Variants in CDYL observed in about 807,000 individuals in gnomAD.
The protein encoded by CDYL is chromodomain Y like.
A neutral mutation model predicts 47.3 loss-of-function variants in CDYL; 8 were observed. The observed-to-expected ratio is 0.17, with a 90% confidence interval of 0.10 to 0.31. CDYL has a LOEUF of 0.31. Ranked by LOEUF, CDYL falls within the 10% of genes least tolerant of loss-of-function variation. The pLI is 1.00. For missense variants in CDYL, 471 were observed against 701.4 expected (o/e 0.67, Z 3.71); for synonymous variants, 266 against 265.0 (o/e 1.00, Z -0.04).
rs114757816 is a variant in CDYL at position 4,907,614 on chromosome 6, A to G, written c.691+15235A>G. Among the ~76,000 whole-genome samples the G allele has an allele frequency of 3.6e-3, 543 of 152,274 alleles. 2 individuals are homozygous for G. Among genetic ancestry groups the G allele is most frequent in the African/African-American group, 0.013 (526 of 41,560 alleles). ...AGTCTTGAACTCCTGAGCTCAAGCA[A>G]TCTTCCAGCATCAGCCTCCCAAAGT... On this transcript the variant is annotated intron_variant, in intron 2 of 6. Transcript: ENST00000397588.
chr6:4,751,091 G>A (rs530999203), intron 3 of CDYL, among the ~76,000 whole-genome samples: 19 of 151,956 alleles, frequency 1.3e-4, no homozygotes, highest in Admixed American at 8.5e-4. Flanking sequence ...TCCTGACCTC[G>A]TGATCCGCCC....
chr6:4,861,218 C>T (rs900918823), intron 1 of CDYL, among the ~76,000 whole-genome samples: 9 of 152,320 alleles, frequency 5.9e-5, no homozygotes, highest in Middle Eastern at 3.4e-3. Flanking sequence ...ATGGCGTATA[C>T]GGTGATGCCT....
At chr6:4,833,062 CT>C (rs1760194489) in intron 1 of CDYL, among the ~76,000 whole-genome samples, 2 of 147,194 alleles carry the variant, frequency 1.4e-5, no homozygotes, top group African/African-American at 5.0e-5. Flanking sequence ...TTTTTTGTGT[CT>C]CTATTTCCTT....
At chr6:4,897,628 G>A (rs944616630) in intron 2 of CDYL, among the ~76,000 whole-genome samples, 2 of 152,084 alleles carry the variant, frequency 1.3e-5, no homozygotes, top group Admixed American at 6.6e-5. Flanking sequence ...AACAAATCAG[G>A]AGACCAGGCC....
intron 2 of CDYL, among the ~76,000 whole-genome samples, chr6:4,934,095 G>A (rs1312495022): frequency 2.0e-5 from 3 of 152,142 alleles, no homozygotes; most frequent in Non-Finnish European, 4.4e-5. Context: ...TACATCTAGT[G>A]TACTGCCATC....
intron 1 of CDYL, among the ~76,000 whole-genome samples, chr6:4,861,483 C>T (rs1761168072): frequency 2.0e-5 from 3 of 152,298 alleles, no homozygotes; most frequent in Admixed American, 2.0e-4. Flanking sequence ...TTTTGAGGGC[C>T]AAGAGGGCCA....
intron 1 of CDYL, among the ~76,000 whole-genome samples, chr6:4,783,076 A>G (rs555567790): frequency 6.6e-6 from 1 of 152,112 alleles, no homozygotes; most frequent in East Asian, 1.9e-4. Context: ...CCCTCATCAA[A>G]TAGAACATTA....
intron 2 of CDYL, among the ~76,000 whole-genome samples, chr6:4,927,608 G>T (rs552768136): frequency 2.0e-5 from 3 of 152,178 alleles, no homozygotes; most frequent in African/African-American, 7.2e-5. Flanking sequence ...TAGAAACAGG[G>T]TTTCACCATG....
At position 4,734,731 on chromosome 6, in the gene CDYL, T is replaced by G. The variant is rs1478921480; in HGVS notation, c.104-31T>G. On this transcript the variant is annotated intron_variant, in intron 2 of 8. Coordinates refer to the CDYL transcript ENST00000328908. ...ATGGGGAAGAGGATGGGTCCACCTC[T>G]CTCAGAAACTTTCTCATTATTCTGT... 3 of 1,612,924 alleles carry G rather than the reference T, an allele frequency of 1.9e-6. No individual in the cohort carries two copies. In the African/African-American group the frequency reaches 4.0e-5, roughly 22 times the overall value.
At chr6:4,736,223 A>G (rs934809911) in intron 3 of CDYL, among the ~76,000 whole-genome samples, 1 of 152,214 alleles carries the variant, frequency 6.6e-6, no homozygotes. Flanking sequence ...AACAAGGTCT[A>G]ACAGTGATTT....
chr6:4,785,030 T>C (rs2127432016), intron 1 of CDYL, among the ~76,000 whole-genome samples: 1 of 152,336 alleles, frequency 6.6e-6, no homozygotes, highest in African/African-American at 2.4e-5. Flanking sequence ...CCTTTATAAA[T>C]TACCCGGTCT....
intron 1 of CDYL, among the ~76,000 whole-genome samples, chr6:4,801,612 G>C (rs975710248): frequency 6.6e-5 from 10 of 152,228 alleles, no homozygotes; most frequent in African/African-American, 2.2e-4. Flanking sequence ...ACTGGTGGTG[G>C]TTTTAGTGTG....
chr6:4,897,760 T>TAAA (rs3054997), intron 2 of CDYL, among the ~76,000 whole-genome samples: 146,600 of 150,228 alleles, frequency 0.98, 71,623 homozygotes, highest in East Asian at 1. Flanking sequence ...TTCATAAAAA[T>TAAA]AACTATTTTC....
At chr6:4,831,268 A>G (rs1425505722) in intron 1 of CDYL, among the ~76,000 whole-genome samples, 1 of 152,144 alleles carries the variant, frequency 6.6e-6, no homozygotes, top group East Asian at 1.9e-4. Context: ...AGGTGTAAGG[A>G]AGGGATCCAG....
chr6:4,788,480 C>CAAAAAAAAAAAAAAAAAAAAAAA (rs1220969716), intron 1 of CDYL, among the ~76,000 whole-genome samples: 2 of 61,064 alleles, frequency 3.3e-5, no homozygotes, highest in Non-Finnish European at 5.5e-5. Context: ...GAGACTCTGT[C>CAAAAAAAAAAAAAAAAAAAAAAA]AAAAAAAAAA....
intron 1 of CDYL, among the ~76,000 whole-genome samples, chr6:4,781,135 G>A (rs188897269): frequency 1.3e-3 from 201 of 152,250 alleles, no homozygotes; most frequent in African/African-American, 4.6e-3. Flanking sequence ...GAATGAAATC[G>A]TATCTGGTGT....
intron 3 of CDYL, among the ~76,000 whole-genome samples, chr6:4,748,512 AGG>A (rs1023906156): frequency 7.2e-5 from 11 of 152,124 alleles, no homozygotes; most frequent in African/African-American, 2.4e-4. Flanking sequence ...GGAGCAAAAC[AGG>A]AGTATGATGG....
At chr6:4,757,669 A>G (rs971037536) in intron 3 of CDYL, among the ~76,000 whole-genome samples, 1 of 152,260 alleles carries the variant, frequency 6.6e-6, no homozygotes, top group South Asian at 2.1e-4. Context: ...TGTCTTTTCT[A>G]CAAATGAAAA....
At chr6:4,793,496 C>G (rs181443955) in intron 1 of CDYL, among the ~76,000 whole-genome samples, 56 of 152,200 alleles carry the variant, frequency 3.7e-4, no homozygotes, top group African/African-American at 1.2e-3. Flanking sequence ...GTTGGGGGTA[C>G]TTGTAGGACT....
Sources: allele counts gnomAD v4.1 joint callset (sites outside exome capture counted in the v4.1 genomes callset), GRCh38; gene constraint gnomAD v4.1.1; transcripts MANE v1.5; gene names NCBI Gene and HGNC (gene_info 2026-07-23, HGNC 2026-07-21).